DOK1: variants seen among roughly 807,000 people sequenced by gnomAD.
DOK1 encodes the protein Downstream of tyrosine kinase 1.
Under a neutral mutation model 24.0 loss-of-function variants are expected in DOK1, and 12 were observed. The observed-to-expected ratio is 0.50, with a 90% CI of 0.32 to 0.81. The LOEUF is 0.81. Among genes scored for constraint, DOK1 ranks in the 30% least tolerant of loss-of-function variants. DOK1 has a pLI of 0.03. For missense variants in DOK1, 591 were observed against 620.7 expected (o/e 0.95, Z 0.51); for synonymous variants, 250 against 260.9 (o/e 0.96, Z 0.40).
In DOK1 at chr2:74,549,640, G is replaced by C; in HGVS notation, c.-358+468G>C. 1 of 1,540,524 alleles carries C rather than the reference G, an allele frequency of 6.5e-7. No homozygotes were observed. On this transcript the variant is annotated intron_variant, in intron 1 of 4. Transcript: ENST00000409429. This position sits in a 1 kb window ranked among gnomAD's most constrained non-coding sequence, Gnocchi z 5.3. ...CCCAGTGGCACCTTTCATGTGTCCC[G>C]CCGCCCTTAAGGAACCCTGCTTGGT...
upstream of DOK1, chr2:74,553,203 T>C (rs1677137210): frequency 6.6e-6 from 1 of 152,642 alleles, no homozygotes; most frequent in Admixed American, 6.5e-5. Context: ...GCTGTACTGA[T>C]TGTGCAGAGA....
chr2:74,555,255 A>G lies in DOK1; in HGVS notation c.162A>G (p.Arg54=). 6.2e-7 allele frequency: 1 copy of G among 1,613,888 alleles called. No homozygotes were observed. Residue 54 remains arginine, a synonymous_variant, in exon 2 of 5, where the codon CGA becomes CGG. Coordinates refer to ENST00000233668, the MANE Select transcript of DOK1 (RefSeq NM_001381.5). The surrounding 1 kb of genome is among the most constrained non-coding windows in gnomAD (Gnocchi z 6.1). ...AGGGGTCGAGCTCTGGGGGTGGCCG[A>G]GGGAGCTCGCGCCGCCTGGACTGCA... ...DHKGSSSGGG[R]GSSRRLDCKV...
chr2:74,551,977 C>T (rs911200140), upstream of DOK1, among the ~76,000 whole-genome samples: 1 of 152,258 alleles, frequency 6.6e-6, no homozygotes, highest in Admixed American at 6.5e-5. Context: ...CTGCTCTTAG[C>T]GTCCCATGAG....
At chr2:74,552,240 GC>G (rs1287608360), upstream of DOK1, 2 of 1,314,926 alleles carry the variant, frequency 1.5e-6, no homozygotes, top group African/African-American at 2.9e-5. Context: ...TGTCCCTATG[GC>G]TGTGCCATCC....
upstream of DOK1, chr2:74,550,204 G>C: frequency 6.2e-7 from 1 of 1,613,908 alleles, no homozygotes; most frequent in Non-Finnish European, 8.5e-7. Flanking sequence ...ATTGGAGTCC[G>C]AGAAGCCAGG....
In DOK1 at chr2:74,556,610, A is replaced by G. The variant is rs770579059; in HGVS notation, c.942A>G (p.Leu314=). Residue 314 remains leucine, a synonymous_variant, in exon 5 of 5, where the codon CTA becomes CTG. Coordinates refer to ENST00000233668, the MANE Select transcript of DOK1 (RefSeq NM_001381.5). This position sits in a 1 kb window ranked among gnomAD's most constrained non-coding sequence, Gnocchi z 4.1. ...CTCCATGCCCTTCCCAGGACTCCCTATACTCAGACCCCTTGGACAGCACGT... is the reference window on the plus strand; with the variant it reads ...CTCCATGCCCTTCCCAGGACTCCCTGTACTCAGACCCCTTGGACAGCACGT... ...RIAPCPSQDS[L]YSDPLDSTSA... The G allele has an allele frequency of 4.3e-6, 7 of 1,614,104 alleles. No homozygotes were observed. In the Admixed American group the frequency reaches 5.0e-5, roughly 12 times the overall value.
Position 74,555,576 on chromosome 2 carries a change from A to C in DOK1, c.362A>C (p.Lys121Thr). The part of the protein sequence containing the change: ...VQTLCRNAFP[K>T]GSWTLAPTDN... ...GTTTCTCGATGCTCTCTACTACAGA[A>C]AGGCAGCTGGACTCTGGCGCCTACC... The change falls in exon 3 of 5, where the codon AAA becomes ACA. Residue 121 changes from lysine to threonine, a missense_variant and splice_region_variant. Lys to Thr is a moderately conservative substitution (Grantham distance 78). Coordinates refer to ENST00000233668, the MANE Select transcript of DOK1 (RefSeq NM_001381.5). The surrounding 1 kb of genome is among the most constrained non-coding windows in gnomAD (Gnocchi z 6.1). 6.2e-7 allele frequency: 1 copy of C among 1,614,074 alleles called. No individual in the cohort carries two copies.
upstream of DOK1, chr2:74,550,447 GC>G: frequency 7.8e-7 from 1 of 1,283,086 alleles, no homozygotes; most frequent in Non-Finnish European, 1.1e-6. Context: ...CTCCCACTTG[GC>G]CATGATGATC....
upstream of DOK1, among the ~76,000 whole-genome samples, chr2:74,553,674 G>T (rs1262996142): frequency 6.6e-6 from 1 of 152,170 alleles, no homozygotes; most frequent in Non-Finnish European, 1.5e-5. Flanking sequence ...GCTCCTGGCG[G>T]CCCTGTTCGA....
upstream of DOK1, chr2:74,552,981 G>A (rs1677119732): frequency 3.7e-6 from 1 of 268,332 alleles, no homozygotes; most frequent in Non-Finnish European, 7.0e-6. Context: ...GACAGGATGT[G>A]AGAGGAAGGG....
chr2:74,556,786 CCCAGGGCCTTT>C lies in DOK1; in HGVS notation c.1119_1129del (p.Gln374Ter), dbSNP rs1181800037. ...CCTGAGGGCCTGGCCCCAGTCCCTC[CCCAGGGCCTTT>C]ATGATCTGCCTCGGGAGCCCAAGGA... On this transcript the variant is annotated frameshift_variant, in exon 5 of 5. Transcript: ENST00000233668. LOFTEE classifies it low-confidence loss of function (END_TRUNC). This position sits in a 1 kb window ranked among gnomAD's most constrained non-coding sequence, Gnocchi z 4.1. 2 of 1,614,048 alleles carry C rather than the reference CCCAGGGCCTTT, an allele frequency of 1.2e-6. No individual in the cohort carries two copies. Among genetic ancestry groups the C allele is most frequent in the East Asian group, 2.2e-5 (1 of 44,880 alleles).
chr2:74,555,311 T>A lies in DOK1; in HGVS notation c.218T>A (p.Val73Glu). Residue 73 changes from valine (V) to glutamate (E), a missense_variant, in exon 2 of 5, where the codon GTG becomes GAG. Transcript: ENST00000233668. This position sits in a 1 kb window ranked among gnomAD's most constrained non-coding sequence, Gnocchi z 6.1. ...ATCCGTCTGGCTGAGTGTGTGAGTGTGGCCCCCGTCACCGTGGAGACCCCC... is the reference window on the plus strand; with the variant it reads ...ATCCGTCTGGCTGAGTGTGTGAGTGAGGCCCCCGTCACCGTGGAGACCCCC... ...KVIRLAECVS[V>E]APVTVETPPE... 6.2e-7 allele frequency: 1 copy of A among 1,614,080 alleles called. No homozygotes were observed.
upstream of DOK1, among the ~76,000 whole-genome samples, chr2:74,551,141 C>T (rs971142249): frequency 6.6e-6 from 1 of 152,182 alleles, no homozygotes; most frequent in Admixed American, 6.5e-5. Context: ...ACCATGTTGG[C>T]CAGGCTGGTC....
rs761100478 is a variant in DOK1, at chr2:74,555,953, G to A, written c.514G>A (p.Gly172Ser). 6.2e-7 allele frequency: 1 copy of A among 1,613,876 alleles called. No homozygotes were observed. The highest frequency in any genetic ancestry group is 8.5e-7 in the Non-Finnish European group (1 of 1,179,914). Residue 172 changes from glycine (G) to serine (S), a missense_variant, in exon 4 of 5, where the codon GGC becomes AGC. Physicochemically the swap from Gly to Ser is moderately conservative, Grantham distance 56. Coordinates refer to ENST00000233668, the MANE Select transcript of DOK1 (RefSeq NM_001381.5). The surrounding 1 kb of genome is among the most constrained non-coding windows in gnomAD (Gnocchi z 6.1). ...GGCCGCCGAGCGCTGTGGCCTGCAT[G>A]GCTCCTACGTGCTGAGGGTGGAGGC... ...TEAAERCGLH[G>S]SYVLRVEAER...
Position 74,556,078 on chromosome 2 carries a change from G to T in DOK1, c.639G>T (p.Lys213Asn). The T allele has an allele frequency of 6.3e-7, 1 of 1,588,410 alleles. No individual in the cohort carries two copies. The highest frequency in any genetic ancestry group is 8.6e-7 in the Non-Finnish European group (1 of 1,165,376). The change falls in exon 4 of 5, where the codon AAG (lysine) becomes AAT (asparagine). Residue 213 changes from lysine to asparagine, a missense_variant and splice_region_variant. Lys to Asn is a moderately conservative substitution (Grantham distance 94). Coordinates refer to ENST00000233668, the MANE Select transcript of DOK1 (RefSeq NM_001381.5). This position sits in a 1 kb window ranked among gnomAD's most constrained non-coding sequence, Gnocchi z 4.1. ...YTLLRRYGRDKVMFSFEAGRR... is the reference protein window; with the variant it reads ...YTLLRRYGRDNVMFSFEAGRR... Reference sequence around the variant, plus strand: ...TGTTGCGTCGCTATGGCCGGGACAAGGTGCAGGGGCTGTCCGGGAGGGCTT... The same window carrying T: ...TGTTGCGTCGCTATGGCCGGGACAATGTGCAGGGGCTGTCCGGGAGGGCTT...
upstream of DOK1, chr2:74,553,833 A>G (rs1467555645): frequency 6.6e-6 from 1 of 150,982 alleles, no homozygotes; most frequent in Non-Finnish European, 1.5e-5. Flanking sequence ...CATCCTCTCC[A>G]TCCCCTACTC....
chr2:74,553,518 C>T (rs1056385484), upstream of DOK1, among the ~76,000 whole-genome samples: 2 of 152,204 alleles, frequency 1.3e-5, no homozygotes, highest in African/African-American at 4.8e-5. Flanking sequence ...AAGGCCTTCT[C>T]TGCCTAGGGC....
rs756735311 is a variant in DOK1 at position 74,556,779 on chromosome 2, G to T, written c.1111G>T (p.Val371Phe). The T allele has an allele frequency of 1.2e-6, 2 of 1,614,170 alleles. No homozygotes were observed. Among genetic ancestry groups the T allele is most frequent in the Non-Finnish European group, 1.7e-6 (2 of 1,180,026 alleles). Residue 371 changes from valine (V) to phenylalanine (F), a missense_variant, in exon 5 of 5, where the codon GTC becomes TTC. Transcript: ENST00000233668. This position sits in a 1 kb window ranked among gnomAD's most constrained non-coding sequence, Gnocchi z 4.1. ...TGATGAACCTGAGGGCCTGGCCCCA[G>T]TCCCTCCCCAGGGCCTTTATGATCT... ...IYDEPEGLAP[V>F]PPQGLYDLPR...
chr2:74,555,978 C>T lies in DOK1; in HGVS notation c.539C>T (p.Ala180Val), dbSNP rs1340690997. The part of the protein sequence containing the change: ...LHGSYVLRVE[A>V]ERLTLLTVGA... ...GGCTCCTACGTGCTGAGGGTGGAGG[C>T]TGAAAGGCTGACTCTCCTGACCGTG... is the stretch of plus-strand genomic sequence containing the variant. Residue 180 changes from alanine to valine, a missense_variant, in exon 4 of 5, where the codon GCT (alanine) becomes GTT (valine). Ala to Val is a moderately conservative substitution (Grantham distance 64). Coordinates refer to ENST00000233668, the MANE Select transcript of DOK1 (RefSeq NM_001381.5). This position sits in a 1 kb window ranked among gnomAD's most constrained non-coding sequence, Gnocchi z 6.1. 1.2e-6 allele frequency: 2 copies of T among 1,613,760 alleles called. No homozygotes were observed. Among genetic ancestry groups the T allele is most frequent in the Non-Finnish European group, 1.7e-6 (2 of 1,179,918 alleles).
Sources: gnomAD v4.1 joint callset for allele counts (sites outside exome capture counted in the v4.1 genomes callset) on GRCh38, gnomAD v4.1.1 for gene constraint, Gnocchi (gnomAD v3.1) non-coding constraint, MANE v1.5 for transcripts, NCBI Gene and HGNC (gene_info 2026-07-23, HGNC 2026-07-21) for gene names.